PPA1: variants seen among roughly 807,000 people sequenced by gnomAD.
The protein encoded by PPA1 is inorganic pyrophosphatase 1, also known as inorganic pyrophosphatase.
PPA1 carries 23 observed loss-of-function variants against 41.8 expected under a neutral mutation model. The ratio of observed to expected loss-of-function variants is 0.55; its 90% confidence interval spans 0.40 to 0.78. The LOEUF (loss-of-function observed/expected upper bound fraction) is 0.78. PPA1 is among the 30% of genes least tolerant of loss of function. PPA1 has a pLI of 0.00. For missense variants in PPA1, 320 were observed against 361.6 expected (o/e 0.89, Z 0.93); for synonymous variants, 101 against 116.8 (o/e 0.86, Z 0.87).
chr10:70,233,386 A>T lies in PPA1; in HGVS notation c.-59T>A. 2 of 1,523,948 alleles carry T rather than the reference A, an allele frequency of 1.3e-6. No individual in the cohort carries two copies. The highest frequency in any genetic ancestry group is 1.8e-6 in the Non-Finnish European group (2 of 1,140,056). The allele number at this position is 1,523,948 out of a possible 1,614,324, so 94.4% of individuals were successfully genotyped here. A position where few individuals can be genotyped will look rare whatever the true frequency, so the allele number is the denominator to read the frequency against. ...AGCCACCAGCCCGCACGCGGCGCCG[A>T]CTGACAAGGAGAGAGCCCCACGCCT... On this transcript the variant is annotated 5_prime_UTR_variant, in exon 1 of 11. Transcript: ENST00000373232.
At chr10:70,211,669 A>G (rs1240302924) in intron 6 of PPA1, among the ~76,000 whole-genome samples, 1 of 152,230 alleles carries the variant, frequency 6.6e-6, no homozygotes, top group Non-Finnish European at 1.5e-5. Context: ...AGCCACCCCG[A>G]GAAAGTTTTC....
At chr10:70,229,333 G>A (rs1434608390) in intron 2 of PPA1, among the ~76,000 whole-genome samples, 1 of 152,150 alleles carries the variant, frequency 6.6e-6, no homozygotes, top group Non-Finnish European at 1.5e-5. Context: ...TTCTTGCTAT[G>A]TTGCCCAGTC....
intron 7 of PPA1, 76 bp from the exon 8 acceptor site, chr10:70,209,366 G>A: frequency 7.4e-7 from 1 of 1,352,256 alleles, no homozygotes; most frequent in Non-Finnish European, 1.0e-6. Flanking sequence ...CCCAAAGCCT[G>A]ATACTTTGTC....
At chr10:70,219,676 A>C (rs1201348337) in intron 2 of PPA1, among the ~76,000 whole-genome samples, 1 of 152,222 alleles carries the variant, frequency 6.6e-6, no homozygotes, top group Non-Finnish European at 1.5e-5. Context: ...TGATAGTTCT[A>C]CTGTAATTGG....
At chr10:70,226,923 A>G (rs1840235825) in intron 2 of PPA1, among the ~76,000 whole-genome samples, 1 of 152,172 alleles carries the variant, frequency 6.6e-6, no homozygotes, top group African/African-American at 2.4e-5. Context: ...CAATCACCTG[A>G]AAAAAATAGA....
chr10:70,224,390 A>G (rs1840206646), intron 2 of PPA1, among the ~76,000 whole-genome samples: 1 of 152,230 alleles, frequency 6.6e-6, no homozygotes, highest in African/African-American at 2.4e-5. Context: ...ATGTCACTCC[A>G]TTAATCAAAA....
At chr10:70,218,353 T>C (rs924681722) in intron 3 of PPA1, 1 of 180,106 alleles carries the variant, frequency 5.6e-6, no homozygotes, top group Non-Finnish European at 1.2e-5. Context: ...GTTTGTGATA[T>C]AAAATATGTT....
intron 8 of PPA1, among the ~76,000 whole-genome samples, chr10:70,207,661 A>C (rs1839961216): frequency 6.6e-6 from 1 of 152,226 alleles, no homozygotes; most frequent in Admixed American, 6.5e-5. Flanking sequence ...CTCTAAAAAA[A>C]AAATTATATC....
intron 4 of PPA1, among the ~76,000 whole-genome samples, chr10:70,214,863 G>A (rs1840061640): frequency 6.6e-6 from 1 of 152,124 alleles, no homozygotes; most frequent in African/African-American, 2.4e-5. Context: ...GAGACAATAG[G>A]GAAACACAAA....
In PPA1 at chr10:70,223,217, A is replaced by AAGAGAGAGAG. The variant is rs10686040; in HGVS notation, c.124-4410_124-4401dup. Among the ~76,000 whole-genome samples the AAGAGAGAGAG allele has an allele frequency of 2.1e-3, 307 of 148,820 alleles. 2 individuals are homozygous for AAGAGAGAGAG. The highest frequency in any genetic ancestry group is 6.9e-3 in the Middle Eastern group (2 of 288). On this transcript the variant is annotated intron_variant, in intron 2 of 10. Transcript: ENST00000373232. ...CTGTCTCTTAAAAAACATTTTTTTA[A>AAGAGAGAGAG]AGAGAGAGAGAGAGAGAGACGGGGT...
At chr10:70,213,072 T>C (rs2151834) in intron 6 of PPA1, among the ~76,000 whole-genome samples, 110,675 of 152,048 alleles carry the variant, frequency 0.73, 40,872 homozygotes, top group Non-Finnish European at 0.79. Flanking sequence ...TGAAATGTTC[T>C]GCAATTAGAG....
rs1199177314 is a variant in PPA1, at chr10:70,221,036, ATAAAT to A, written c.124-2224_124-2220del. ...TATAATTTATATATATAATATATAT[ATAAAT>A]TATATATATATATAATTTATATATA... On this transcript the variant is annotated intron_variant, in intron 2 of 10. Transcript: ENST00000373232. 7.7e-4 allele frequency among the ~76,000 whole-genome samples: 56 copies of A among 72,500 alleles called. 1 individual carries two copies. The highest frequency in any genetic ancestry group is 3.7e-3 in the African/African-American group (50 of 13,440). The allele number at this position is 72,500 out of a possible 152,430, so 47.6% of individuals were successfully genotyped here.
intron 2 of PPA1, among the ~76,000 whole-genome samples, chr10:70,223,860 T>G (rs754659940): frequency 1.8e-4 from 28 of 152,198 alleles, no homozygotes; most frequent in Non-Finnish European, 3.4e-4. Context: ...GATCTTGGAT[T>G]TACTATCTTG....
rs866403192 is a variant in PPA1 at position 70,220,837 on chromosome 10, T to A, written c.124-2020A>T. Among the ~76,000 whole-genome samples, 10 of 50,120 alleles carry A rather than the reference T, an allele frequency of 2.0e-4. 1 individual carries two copies. Among genetic ancestry groups the A allele is most frequent in the African/African-American group, 6.9e-4 (8 of 11,550 alleles). 32.9% of individuals were successfully genotyped at this position (50,120 alleles called of 152,430 possible). Reference sequence around the variant, plus strand: ...TTTATATATATTATATATATAATTTTTATATATATTATATATATAATTCTT... The same window carrying A: ...TTTATATATATTATATATATAATTTATATATATATTATATATATAATTCTT... On this transcript the variant is annotated intron_variant, in intron 2 of 10. Coordinates refer to ENST00000373232, the MANE Select transcript of PPA1 (RefSeq NM_021129.4).
chr10:70,209,693 GAGA>G lies in PPA1; in HGVS notation c.512-11_512-9del, dbSNP rs1839993323. The G allele has an allele frequency of 1.9e-6, 3 of 1,583,650 alleles. No homozygotes were observed. Among genetic ancestry groups the G allele is most frequent in the Non-Finnish European group, 2.6e-6 (3 of 1,160,766 alleles). ...GTTTGACATCATTGATATCTAAGAA[GAGA>G]AGAAGCATAAGATGACAGTGAGAAT... On this transcript the variant is annotated splice_polypyrimidine_tract_variant and intron_variant, in intron 6 of 10. Coordinates refer to ENST00000373232, the MANE Select transcript of PPA1 (RefSeq NM_021129.4).
At chr10:70,205,170 G>A (rs1045470613) in intron 9 of PPA1, 4 of 245,484 alleles carry the variant, frequency 1.6e-5, no homozygotes, top group Non-Finnish European at 3.1e-5. Flanking sequence ...GGATCACAAG[G>A]TCAGGAGTTC....
chr10:70,218,953 T>C (rs925311731), intron 2 of PPA1, 136 bp from the exon 3 acceptor site: 30 of 652,028 alleles, frequency 4.6e-5, no homozygotes, highest in Admixed American at 2.2e-4. Flanking sequence ...ACAAAATGCA[T>C]CAAAAAAAGA....
intron 2 of PPA1, among the ~76,000 whole-genome samples, chr10:70,223,138 G>T (rs1840193774): frequency 6.6e-6 from 1 of 152,094 alleles, no homozygotes; most frequent in Non-Finnish European, 1.5e-5. Context: ...GCAGAGGCAG[G>T]AGGACCGCTT....
chr10:70,226,633 G>T (rs1840233486), intron 2 of PPA1, among the ~76,000 whole-genome samples: 1 of 151,594 alleles, frequency 6.6e-6, no homozygotes, highest in Admixed American at 6.6e-5. Context: ...ACTAAATTTT[G>T]AAAACAGATA....
Sources: allele counts gnomAD v4.1 joint callset (sites outside exome capture counted in the v4.1 genomes callset), GRCh38; gene constraint gnomAD v4.1.1; transcripts MANE v1.5; gene names NCBI Gene and HGNC (gene_info 2026-07-23, HGNC 2026-07-21).